The following SLURP2 variants were observed in gnomAD, a reference collection of about 807,000 sequenced individuals.
SLURP2 encodes secreted LY6/PLAUR domain containing 2, also known as secreted Ly-6/uPAR domain-containing protein 2.
In SLURP2, 4 loss-of-function variants were observed where a neutral mutation model predicts 9.8. The observed-to-expected ratio is 0.41, with a 90% CI of 0.20 to 0.94. SLURP2 has a LOEUF of 0.94. SLURP2 is among the 40% of genes least tolerant of loss of function. The pLI is 0.32. For missense variants in SLURP2, 118 were observed against 126.4 expected, an observed-to-expected ratio of 0.93 and a Z score of 0.32; for synonymous variants, 58 against 56.2, an observed-to-expected ratio of 1.03 and a Z score of -0.15.
chr8:142,765,155 A>G lies in SLURP2; in HGVS notation c.53-15T>C, dbSNP rs751392857. On this transcript the variant is annotated splice_polypyrimidine_tract_variant and intron_variant, in intron 1 of 2. Coordinates refer to ENST00000317543, the MANE Select transcript of SLURP2 (RefSeq NM_177458.3). ...TTCGGCTGCAGCTGCGGACATGGGG[A>G]CAGACAGGACACAAACGGATGGGAG... The G allele has an allele frequency of 1.3e-6, 2 of 1,598,740 alleles. No homozygotes were observed. The highest frequency in any genetic ancestry group is 1.7e-6 in the Non-Finnish European group (2 of 1,171,834).
chr8:142,768,924 C>A lies in SLURP2; in HGVS notation c.52+831G>T, dbSNP rs1338124095. On this transcript the variant is annotated intron_variant, in intron 1 of 2. Coordinates refer to ENST00000317543, the MANE Select transcript of SLURP2 (RefSeq NM_177458.3). The surrounding 1 kb of genome is among the most constrained non-coding windows in gnomAD (Gnocchi z 4.8). ...GGCAGGGGCTGCCCAGGTCGTTCAA[C>A]CCACAGCCAGGGACGCAGAGGCTTG... 6.6e-6 allele frequency among the ~76,000 whole-genome samples: 1 copy of A among 152,200 alleles called. No homozygotes were observed. Among genetic ancestry groups the A allele is most frequent in the Non-Finnish European group, 1.5e-5 (1 of 68,024 alleles).
At chr8:142,769,131 T>C (rs1329719206) in intron 1 of SLURP2, among the ~76,000 whole-genome samples, 1 of 151,458 alleles carries the variant, frequency 6.6e-6, no homozygotes, top group Non-Finnish European at 1.5e-5. Context: ...GGTCATCCCC[T>C]TGGAGCCCTC....
intron 2 of SLURP2, 130 bp downstream of exon 2, chr8:142,764,906 T>A (rs765595852): frequency 3.6e-5 from 40 of 1,125,982 alleles, no homozygotes; most frequent in Non-Finnish European, 5.2e-5. Context: ...TCCCTGGGCA[T>A]CACTGGCGGA....
In SLURP2 at chr8:142,768,334, C is replaced by T. The variant is rs1305542659; in HGVS notation, c.52+1421G>A. On this transcript the variant is annotated intron_variant, in intron 1 of 2. Transcript: ENST00000317543. The surrounding 1 kb of genome is among the most constrained non-coding windows in gnomAD (Gnocchi z 4.8). Reference sequence around the variant, plus strand: ...GCAGGTCTCTCCCACTGGGGACCCCCGTGCTGGCTCTGAAGCAGGCTGGCC... The same window carrying T: ...GCAGGTCTCTCCCACTGGGGACCCCTGTGCTGGCTCTGAAGCAGGCTGGCC... 6.6e-6 allele frequency among the ~76,000 whole-genome samples: 1 copy of T among 151,998 alleles called. No homozygotes were observed. The highest frequency in any genetic ancestry group is 1.5e-5 in the Non-Finnish European group (1 of 68,000).
intron 1 of SLURP2, 100 bp from the exon 2 acceptor site, chr8:142,765,240 G>C: frequency 1.1e-6 from 1 of 906,090 alleles, no homozygotes; most frequent in Non-Finnish European, 1.7e-6. Flanking sequence ...AGCAGCCCAT[G>C]CTCCTTCTCA....
chr8:142,769,252 C>T (rs587773511), intron 1 of SLURP2, among the ~76,000 whole-genome samples: 1 of 151,506 alleles, frequency 6.6e-6, no homozygotes, highest in African/African-American at 2.4e-5. Context: ...TAAAATCACC[C>T]AGGAAAGCGG....
At position 142,768,957 on chromosome 8, in the gene SLURP2, G is replaced by C. The variant is rs910722353; in HGVS notation, c.52+798C>G. On this transcript the variant is annotated intron_variant, in intron 1 of 2. Transcript: ENST00000317543. This position sits in a 1 kb window ranked among gnomAD's most constrained non-coding sequence, Gnocchi z 4.8. ...CAGGGACGCAGAGGCTTGGCCCCTG[G>C]GGGGCTGGGCTGCTTGGGCTTGGAG... Among the ~76,000 whole-genome samples, 1 of 152,188 alleles carries C rather than the reference G, an allele frequency of 6.6e-6. No individual in the cohort carries two copies. Among genetic ancestry groups the C allele is most frequent in the Non-Finnish European group, 1.5e-5 (1 of 68,018 alleles).
rs759193714 is a variant in SLURP2 at position 142,765,106 on chromosome 8, C to T, written c.87G>A (p.Thr29=). 28 of 1,612,252 alleles carry T rather than the reference C, an allele frequency of 1.7e-5. No homozygotes were observed. The highest frequency in any genetic ancestry group is 1.6e-4 in the Middle Eastern group (1 of 6,078). ...AAEAIWCHQC[T]GFGGCSHGSR... ...ATCCATGGGAGCACCCTCCGAAGCCCGTGCACTGGTGACACCATATGGCTT... is the reference window on the plus strand; with the variant it reads ...ATCCATGGGAGCACCCTCCGAAGCCTGTGCACTGGTGACACCATATGGCTT... Residue 29 remains threonine (T), a synonymous_variant, in exon 2 of 3, where the codon ACG becomes ACA. Coordinates refer to ENST00000317543, the MANE Select transcript of SLURP2 (RefSeq NM_177458.3).
At chr8:142,764,934 C>T (rs978419001) in intron 2 of SLURP2, 102 bp downstream of exon 2, 3 of 1,181,360 alleles carry the variant, frequency 2.5e-6, no homozygotes, top group Middle Eastern at 1.9e-4. Context: ...CACTATGCTT[C>T]TGACTTACTG....
At position 142,768,812 on chromosome 8, in the gene SLURP2, G is replaced by A. The variant is rs1310012870; in HGVS notation, c.52+943C>T. ...CATAGGCCAGGAGGGTGCCCCTGGGGATGGAGACTGGAGGGATGTAAGAGA... is the reference window on the plus strand; with the variant it reads ...CATAGGCCAGGAGGGTGCCCCTGGGAATGGAGACTGGAGGGATGTAAGAGA... On this transcript the variant is annotated intron_variant, in intron 1 of 2. Coordinates refer to ENST00000317543, the MANE Select transcript of SLURP2 (RefSeq NM_177458.3). The surrounding 1 kb of genome is among the most constrained non-coding windows in gnomAD (Gnocchi z 4.8). 6.6e-6 allele frequency among the ~76,000 whole-genome samples: 1 copy of A among 152,250 alleles called. No individual in the cohort carries two copies. Among genetic ancestry groups the A allele is most frequent in the South Asian group, 2.1e-4 (1 of 4,824 alleles).
At chr8:142,769,158 A>G (rs1815092982) in intron 1 of SLURP2, among the ~76,000 whole-genome samples, 1 of 150,704 alleles carries the variant, frequency 6.6e-6, no homozygotes, top group South Asian at 2.1e-4. Flanking sequence ...GCCCTGGGCC[A>G]AGGGATCTGA....
chr8:142,767,168 T>C (rs1815031783), intron 1 of SLURP2, among the ~76,000 whole-genome samples: 1 of 152,100 alleles, frequency 6.6e-6, no homozygotes, highest in African/African-American at 2.4e-5. Flanking sequence ...GTGGGCGGAA[T>C]CCTCCATCGA....
chr8:142,764,849 A>AGCATACGGGCCCTCCTGGG (rs1302779535), intron 2 of SLURP2, 108 bp from the exon 3 acceptor site: 3 of 1,396,876 alleles, frequency 2.1e-6, no homozygotes, highest in Non-Finnish European at 3.0e-6. Context: ...AGGTACATGA[A>AGCATACGGGCCCTCCTGGG]GCATACGGGC....
chr8:142,768,057 GA>G lies in SLURP2; in HGVS notation c.52+1697del, dbSNP rs1815056364. Among the ~76,000 whole-genome samples the G allele has an allele frequency of 6.6e-6, 1 of 151,782 alleles. No individual in the cohort carries two copies. Among genetic ancestry groups the G allele is most frequent in the Non-Finnish European group, 1.5e-5 (1 of 67,974 alleles). On this transcript the variant is annotated intron_variant, in intron 1 of 2. Coordinates refer to ENST00000317543, the MANE Select transcript of SLURP2 (RefSeq NM_177458.3). The surrounding 1 kb of genome is among the most constrained non-coding windows in gnomAD (Gnocchi z 4.8). Reference sequence around the variant, plus strand: ...CAGATAAAATGTTAGCTCCAAACCGGAAAGGCTGCTCGATGGTGACTGTGAG... The same window carrying G: ...CAGATAAAATGTTAGCTCCAAACCGGAAGGCTGCTCGATGGTGACTGTGAG...
At chr8:142,767,245 G>T (rs587714784) in intron 1 of SLURP2, among the ~76,000 whole-genome samples, 1 of 152,198 alleles carries the variant, frequency 6.6e-6, no homozygotes, top group Non-Finnish European at 1.5e-5. Flanking sequence ...ATCAGCTTTG[G>T]CCCCTCTACC....
rs967291095 is a variant in SLURP2 at position 142,768,190 on chromosome 8, G to A, written c.52+1565C>T. 4.2e-5 allele frequency among the ~76,000 whole-genome samples: 6 copies of A among 141,784 alleles called. No homozygotes were observed. Among genetic ancestry groups the A allele is most frequent in the Non-Finnish European group, 7.7e-5 (5 of 65,130 alleles). 93.0% of individuals were successfully genotyped at this position (141,784 alleles called of 152,430 possible). A position where few individuals can be genotyped will look rare whatever the true frequency, so the allele number is the denominator to read the frequency against. ...GGGAGGAGGAGAGGAAGGAAGGAAG[G>A]GAAGGAGGGAGGAGGAATAGAGAGG... On this transcript the variant is annotated intron_variant, in intron 1 of 2. Coordinates refer to ENST00000317543, the MANE Select transcript of SLURP2 (RefSeq NM_177458.3). This position sits in a 1 kb window ranked among gnomAD's most constrained non-coding sequence, Gnocchi z 4.8.
chr8:142,769,464 T>C (rs1387632118), intron 1 of SLURP2, among the ~76,000 whole-genome samples: 8 of 135,936 alleles, frequency 5.9e-5, no homozygotes, highest in African/African-American at 2.0e-4. Flanking sequence ...GTGTGAGGGG[T>C]GTCGCGGTGG....
Position 142,768,068 on chromosome 8 carries a change from C to G in SLURP2, c.52+1687G>C, listed in dbSNP as rs962560871. On this transcript the variant is annotated intron_variant, in intron 1 of 2. Transcript: ENST00000317543. This position sits in a 1 kb window ranked among gnomAD's most constrained non-coding sequence, Gnocchi z 4.8. ...TTAGCTCCAAACCGGAAAGGCTGCTCGATGGTGACTGTGAGGACACAGGGA... is the reference window on the plus strand; with the variant it reads ...TTAGCTCCAAACCGGAAAGGCTGCTGGATGGTGACTGTGAGGACACAGGGA... Among the ~76,000 whole-genome samples, 1 of 150,906 alleles carries G rather than the reference C, an allele frequency of 6.6e-6. No homozygotes were observed. Among genetic ancestry groups the G allele is most frequent in the African/African-American group, 2.4e-5 (1 of 40,934 alleles).
At chr8:142,764,914 G>A (rs763243110) in intron 2 of SLURP2, 122 bp downstream of exon 2, 48 of 1,123,240 alleles carry the variant, frequency 4.3e-5, no homozygotes, top group East Asian at 7.6e-5. Context: ...CATCACTGGC[G>A]GACACTCCCC....
Sources: allele counts gnomAD v4.1 joint callset (sites outside exome capture counted in the v4.1 genomes callset), GRCh38; gene constraint gnomAD v4.1.1; non-coding constraint Gnocchi (gnomAD v3.1); transcripts MANE v1.5; gene names NCBI Gene and HGNC (gene_info 2026-07-23, HGNC 2026-07-21).